The following PHACTR3 variants were observed in gnomAD, a reference collection of about 807,000 sequenced individuals.
The protein encoded by PHACTR3 is phosphatase and actin regulator 3, also known as protein phosphatase 1, regulatory subunit 123.
In PHACTR3, 16 loss-of-function variants were observed where a neutral mutation model predicts 66.8. The observed-to-expected ratio is 0.24, with a 90% CI of 0.16 to 0.36. PHACTR3 has a LOEUF of 0.36. PHACTR3 is among the 10% of genes least tolerant of loss of function. The pLI is 1.00. For synonymous variants in PHACTR3, 323 were observed against 292.1 expected (o/e 1.11, Z -1.08); for missense variants, 647 against 719.9 (o/e 0.90, Z 1.16).
At chr20:59,846,376 A>C (rs936420407) in intron 12 of PHACTR3, among the ~76,000 whole-genome samples, 1 of 152,152 alleles carries the variant, frequency 6.6e-6, no homozygotes. Flanking sequence ...AATTATGCAA[A>C]GAGTTTGTTT....
In PHACTR3 at chr20:59,604,877, C is replaced by CTTGTTTTTTTTTTTT; in HGVS notation, c.-136_-135insGTTTTTTTTTTTTTT. On this transcript the variant is annotated 5_prime_UTR_variant, in exon 1 of 13. Transcript: ENST00000371015. Reference sequence around the variant, plus strand: ...TCTCCAGCTCGTTTCCTTTCCCGGCCTTTTTTTTTTTTTTTTTTTTTTAAT... The same window carrying CTTGTTTTTTTTTTTT: ...TCTCCAGCTCGTTTCCTTTCCCGGCCTTGTTTTTTTTTTTTTTTTTTTTTTTTTTTTTTTTTTAAT... The CTTGTTTTTTTTTTTT allele has an allele frequency of 2.0e-6, 2 of 977,908 alleles. No individual in the cohort carries two copies. The highest frequency in any genetic ancestry group is 8.2e-5 in the East Asian group (1 of 12,206). 60.6% of individuals were successfully genotyped at this position (977,908 alleles called of 1,614,324 possible). A position where few individuals can be genotyped will look rare whatever the true frequency, so the allele number is the denominator to read the frequency against.
intron 1 of PHACTR3, among the ~76,000 whole-genome samples, chr20:59,707,526 G>A (rs766388574): frequency 4.7e-5 from 7 of 148,110 alleles, no homozygotes; most frequent in Non-Finnish European, 1.0e-4. Context: ...AGTGGCAGTG[G>A]CATAATCTCA....
chr20:59,756,753 A>T (rs1214338091), intron 4 of PHACTR3, among the ~76,000 whole-genome samples: 1 of 151,930 alleles, frequency 6.6e-6, no homozygotes, highest in Non-Finnish European at 1.5e-5. Flanking sequence ...TACATGTGCC[A>T]CGTTGGTGTG....
At chr20:59,749,593 C>T (rs527671437) in intron 3 of PHACTR3, among the ~76,000 whole-genome samples, 2 of 152,304 alleles carry the variant, frequency 1.3e-5, no homozygotes, top group South Asian at 4.1e-4. Context: ...CTTACAGAAT[C>T]ACTTTAGATC....
At chr20:59,664,972 G>GCT (rs1256084175) in intron 1 of PHACTR3, among the ~76,000 whole-genome samples, 2 of 152,190 alleles carry the variant, frequency 1.3e-5, no homozygotes, top group African/African-American at 4.8e-5. Flanking sequence ...TTAGGCACTT[G>GCT]CTCTTGTCTC....
chr20:59,712,607 A>G, intron 1 of PHACTR3, among the ~76,000 whole-genome samples: 1 of 152,134 alleles, frequency 6.6e-6, no homozygotes, highest in Non-Finnish European at 1.5e-5. Flanking sequence ...TCAACTACAC[A>G]TCCTCTGTAT....
intron 1 of PHACTR3, among the ~76,000 whole-genome samples, chr20:59,614,530 C>T (rs1014113109): frequency 3.3e-5 from 5 of 152,176 alleles, no homozygotes; most frequent in East Asian, 1.9e-4. Flanking sequence ...TAGACTTTGA[C>T]GTTGATTAGT....
At chr20:59,670,196 G>T (rs1290264174) in intron 1 of PHACTR3, among the ~76,000 whole-genome samples, 1 of 152,156 alleles carries the variant, frequency 6.6e-6, no homozygotes, top group East Asian at 1.9e-4. Flanking sequence ...CCATGATGTC[G>T]GTGATGACGA....
intron 1 of PHACTR3, among the ~76,000 whole-genome samples, chr20:59,696,719 A>G (rs1003798326): frequency 3.3e-5 from 5 of 152,094 alleles, no homozygotes; most frequent in African/African-American, 1.2e-4. Context: ...CATGGAGAAC[A>G]CAAGCCAGCA....
At chr20:59,837,809 C>G (rs2058991717) in intron 9 of PHACTR3, among the ~76,000 whole-genome samples, 1 of 152,180 alleles carries the variant, frequency 6.6e-6, no homozygotes, top group Non-Finnish European at 1.5e-5. Flanking sequence ...CACCACATTC[C>G]AAGTAGCCTG....
intron 1 of PHACTR3, among the ~76,000 whole-genome samples, chr20:59,718,607 C>G (rs1175564878): frequency 6.6e-6 from 1 of 151,498 alleles, no homozygotes; most frequent in African/African-American, 2.4e-5. Flanking sequence ...ATGTTCCTAT[C>G]TTTGTTTATA....
chr20:59,663,435 T>G lies in PHACTR3; in HGVS notation c.118+58303T>G, dbSNP rs180887273. 3.0e-3 allele frequency among the ~76,000 whole-genome samples: 453 copies of G among 152,268 alleles called. 1 individual carries two copies. The highest frequency in any genetic ancestry group is 1.0e-2 in the African/African-American group (414 of 41,554). On this transcript the variant is annotated intron_variant, in intron 1 of 12. Coordinates refer to ENST00000371015, the MANE Select transcript of PHACTR3 (RefSeq NM_080672.5). ...TGAACCAGAAACACACATGGACGTGTGAGTAAGTGAGGTGACCAGACCTAG... is the reference window on the plus strand; with the variant it reads ...TGAACCAGAAACACACATGGACGTGGGAGTAAGTGAGGTGACCAGACCTAG...
chr20:59,584,905 C>T (rs1160193234), intron 1 of PHACTR3, among the ~76,000 whole-genome samples: 1 of 151,974 alleles, frequency 6.6e-6, no homozygotes, highest in Admixed American at 6.6e-5. Flanking sequence ...GATTGGATTG[C>T]CCAGCCCCCA....
chr20:59,686,535 G>A (rs1203799773), intron 1 of PHACTR3, among the ~76,000 whole-genome samples: 1 of 149,990 alleles, frequency 6.7e-6, no homozygotes, highest in African/African-American at 2.4e-5. Context: ...TGATGGTGAT[G>A]ATGATGGTCG....
chr20:59,741,249 G>A (rs2039150052), intron 1 of PHACTR3, among the ~76,000 whole-genome samples: 1 of 152,260 alleles, frequency 6.6e-6, no homozygotes, highest in African/African-American at 2.4e-5. Context: ...CCTGCTGGCT[G>A]TGGAACTGAC....
chr20:59,584,220 G>A (rs944350609), intron 1 of PHACTR3, among the ~76,000 whole-genome samples: 9 of 152,082 alleles, frequency 5.9e-5, no homozygotes, highest in Admixed American at 1.3e-4. Context: ...GGATGTACAT[G>A]AGTGCGTGTG....
At chr20:59,601,463 C>T (rs1275017844), upstream of PHACTR3, among the ~76,000 whole-genome samples, 2 of 152,224 alleles carry the variant, frequency 1.3e-5, no homozygotes, top group Non-Finnish European at 2.9e-5. Context: ...TCCAAATCCA[C>T]CCCTTGCCAG....
At chr20:59,723,817 G>A (rs1429214700) in intron 1 of PHACTR3, among the ~76,000 whole-genome samples, 2 of 152,012 alleles carry the variant, frequency 1.3e-5, no homozygotes, top group Non-Finnish European at 2.9e-5. Context: ...GAATGTTCAT[G>A]GTGACTCGGT....
chr20:59,632,333 C>T (rs1295197399), intron 1 of PHACTR3, among the ~76,000 whole-genome samples: 1 of 152,216 alleles, frequency 6.6e-6, no homozygotes. Flanking sequence ...CATCATCCTG[C>T]ACAGTCTCTG....
Sources: gnomAD v4.1 joint callset for allele counts (sites outside exome capture counted in the v4.1 genomes callset) on GRCh38, gnomAD v4.1.1 for gene constraint, MANE v1.5 for transcripts, NCBI Gene and HGNC (gene_info 2026-07-23, HGNC 2026-07-21) for gene names.